The following OARD1 variants were observed in gnomAD, a reference collection of about 807,000 sequenced individuals.
OARD1 encodes the protein ADP-ribose glycohydrolase OARD1.
In OARD1, 19 loss-of-function variants were observed where a neutral mutation model predicts 19.7. The ratio of observed to expected loss-of-function variants is 0.96; its 90% CI spans 0.67 to 1.41. The LOEUF is 1.41. Among genes scored for constraint, OARD1 ranks in the 40% most tolerant of loss-of-function variants. OARD1 has a pLI of 0.00. For synonymous variants in OARD1, 70 were observed against 61.8 expected (o/e 1.13, Z -0.62); for missense variants, 190 against 183.8 (o/e 1.03, Z -0.20).
At chr6:41,092,899 C>T (rs757312446) in intron 1 of OARD1, 5 of 1,610,394 alleles carry the variant, frequency 3.1e-6, no homozygotes, top group Non-Finnish European at 4.2e-6. Context: ...GCTCTGGTTT[C>T]CTGTTCACAC....
chr6:41,094,600 C>G (rs546796722), intron 1 of OARD1: 1 of 770,952 alleles, frequency 1.3e-6, no homozygotes, highest in Admixed American at 2.3e-5. Context: ...TCTGGGACTA[C>G]TCACATTCTC....
At position 41,090,350 on chromosome 6, in the gene OARD1, A is replaced by G. The variant is rs905161941; in HGVS notation, c.-42+7363T>C. On this transcript the variant is annotated intron_variant, in intron 1 of 4. Coordinates refer to the OARD1 transcript ENST00000480585. Reference sequence around the variant, plus strand: ...AGCTTCCCTAGGACTTTTTGGGGCAACTTTTTTGTCCCTTAGACAACTGAC... The same window carrying G: ...AGCTTCCCTAGGACTTTTTGGGGCAGCTTTTTTGTCCCTTAGACAACTGAC... The G allele has an allele frequency of 2.2e-6, 3 of 1,361,032 alleles. No homozygotes were observed. In the African/African-American group the frequency reaches 4.3e-5, roughly 19 times the overall value. 84.3% of individuals were successfully genotyped at this position (1,361,032 alleles called of 1,614,324 possible). A position where few individuals can be genotyped will look rare whatever the true frequency, so the allele number is the denominator to read the frequency against.
At position 41,067,203 on chromosome 6, in the gene OARD1, A is replaced by G. The variant is rs1439438978; in HGVS notation, c.*132T>C. The G allele has an allele frequency of 1.9e-6, 1 of 523,076 alleles. No homozygotes were observed. Among genetic ancestry groups the G allele is most frequent in the Admixed American group, 3.2e-5 (1 of 31,052 alleles). The allele number at this position is 523,076 out of a possible 1,614,324, so 32.4% of individuals were successfully genotyped here. ...ATCCAAATACTTGAATACAGCAACC[A>G]AAGTCTGTCTTGTTAAACACACTAC... On this transcript the variant is annotated 3_prime_UTR_variant, in exon 6 of 6. Transcript: ENST00000424266.
chr6:41,069,008 T>C, intron 4 of OARD1, 55 bp from the exon 5 acceptor site: 1 of 892,414 alleles, frequency 1.1e-6, no homozygotes, highest in Non-Finnish European at 1.8e-6. Flanking sequence ...CAAAGAAAAG[T>C]CATCACATTC....
At chr6:41,088,233 A>G (rs2113808413) in intron 1 of OARD1, among the ~76,000 whole-genome samples, 1 of 151,974 alleles carries the variant, frequency 6.6e-6, no homozygotes, top group East Asian at 1.9e-4. Context: ...CCTGGTTAAC[A>G]CAGTGAAACC....
At chr6:41,083,533 G>A (rs1174768051) in intron 1 of OARD1, among the ~76,000 whole-genome samples, 1 of 152,120 alleles carries the variant, frequency 6.6e-6, no homozygotes, top group African/African-American at 2.4e-5. Context: ...GGAAAAAAGG[G>A]TCATCCTCTA....
chr6:41,081,649 A>G lies in OARD1; in HGVS notation c.-41-9974T>C, dbSNP rs567251221. On this transcript the variant is annotated intron_variant, in intron 1 of 4. Transcript: ENST00000480585. ...GTGCTTTATTTTTATTCAAGGGGCA[A>G]CTCAACTGAAAAATAATCATTGCAC... Among the ~76,000 whole-genome samples the G allele has an allele frequency of 3.3e-5, 5 of 152,324 alleles. No homozygotes were observed. The South Asian group carries it at 1.0e-3, about 32-fold the overall frequency.
intron 1 of OARD1, chr6:41,071,990 C>T (rs1181725407): frequency 8.9e-6 from 3 of 335,536 alleles, no homozygotes; most frequent in Middle Eastern, 9.5e-4. Context: ...CGATTTAGGA[C>T]GGTCTCCTTT....
chr6:41,096,523 T>C (rs1764361864), intron 1 of OARD1, among the ~76,000 whole-genome samples: 1 of 152,248 alleles, frequency 6.6e-6, no homozygotes. Flanking sequence ...ACATTAGGCA[T>C]CTGTGTAGCA....
At chr6:41,085,610 G>A (rs1294010351) in intron 1 of OARD1, among the ~76,000 whole-genome samples, 1 of 152,054 alleles carries the variant, frequency 6.6e-6, no homozygotes, top group African/African-American at 2.4e-5. Context: ...TAATGTCTTA[G>A]TTTTCTGGAG....
upstream of OARD1, among the ~76,000 whole-genome samples, chr6:41,077,029 A>G (rs1304431762): frequency 6.6e-6 from 1 of 152,230 alleles, no homozygotes; most frequent in Non-Finnish European, 1.5e-5. Flanking sequence ...TATTACCAGA[A>G]TAAACTAGTT....
chr6:41,096,685 G>A (rs1475530919), intron 1 of OARD1, among the ~76,000 whole-genome samples: 2 of 152,212 alleles, frequency 1.3e-5, no homozygotes, highest in East Asian at 1.9e-4. Flanking sequence ...GGGAACTAAA[G>A]GTGGTTCTTG....
intron 1 of OARD1, among the ~76,000 whole-genome samples, chr6:41,096,546 C>T (rs1764362219): frequency 1.3e-5 from 2 of 152,214 alleles, no homozygotes; most frequent in Non-Finnish European, 2.9e-5. Flanking sequence ...ATACCTAGTG[C>T]ATGGTGAGTT....
intron 1 of OARD1, among the ~76,000 whole-genome samples, chr6:41,087,905 A>G (rs967086286): frequency 6.6e-6 from 1 of 152,244 alleles, no homozygotes; most frequent in African/African-American, 2.4e-5. Flanking sequence ...AGATTTGGAT[A>G]GCACACGATC....
intron 1 of OARD1, among the ~76,000 whole-genome samples, chr6:41,085,170 A>G (rs1027275219): frequency 3.9e-5 from 6 of 152,310 alleles, no homozygotes; most frequent in African/African-American, 9.6e-5. Flanking sequence ...GCACCTCACT[A>G]TCTGTTAAAT....
chr6:41,085,810 ATT>A (rs1764029929), intron 1 of OARD1, among the ~76,000 whole-genome samples: 1 of 151,664 alleles, frequency 6.6e-6, no homozygotes, highest in African/African-American at 2.4e-5. Flanking sequence ...AGAATTTCTA[ATT>A]TATAAAATAT....
At chr6:41,097,079 A>C (rs964421283) in intron 1 of OARD1, among the ~76,000 whole-genome samples, 3 of 152,224 alleles carry the variant, frequency 2.0e-5, no homozygotes, top group Non-Finnish European at 4.4e-5. Context: ...ATAGAGAACA[A>C]CACAAGGTTC....
rs1763019430 is a variant in OARD1, at chr6:41,066,646, C to T, written c.*689G>A. On this transcript the variant is annotated 3_prime_UTR_variant, in exon 6 of 6. Coordinates refer to ENST00000424266, the MANE Select transcript of OARD1 (RefSeq NM_001329686.2). ...CCATGAGGAGATTCTAAAAACCTGC[C>T]TTTTGACTTGTCTATTTTTATCTCT... The T allele has an allele frequency of 3.9e-5, 6 of 152,130 alleles. No individual in the cohort carries two copies. Among genetic ancestry groups the T allele is most frequent in the Admixed American group, 1.3e-4 (2 of 15,280 alleles). 9.4% of individuals were successfully genotyped at this position (152,130 alleles called of 1,614,324 possible).
chr6:41,097,719 T>C (rs1244517661), exon 1 of OARD1: 1 of 256,234 alleles, frequency 3.9e-6, no homozygotes, highest in African/African-American at 2.2e-5. Context: ...TTACCTTGAC[T>C]GGTGAAGTCA....
Sources: gnomAD v4.1 joint callset for allele counts (sites outside exome capture counted in the v4.1 genomes callset) on GRCh38, gnomAD v4.1.1 for gene constraint, MANE v1.5 for transcripts, NCBI Gene and HGNC (gene_info 2026-07-23, HGNC 2026-07-21) for gene names.